The following SLC4A8 variants were observed in gnomAD, a reference collection of about 807,000 sequenced individuals.
The protein encoded by SLC4A8 is solute carrier family 4 member 8, also known as electroneutral sodium bicarbonate exchanger 1.
SLC4A8 carries 40 observed loss-of-function variants against 125.0 expected under a neutral mutation model. That is an observed-to-expected ratio of 0.32 (90% CI 0.25 to 0.42). The LOEUF (loss-of-function observed/expected upper bound fraction) is 0.42. SLC4A8 is among the 10% of genes least tolerant of loss of function. SLC4A8 has a pLI of 1.00. For synonymous variants in SLC4A8, 456 were observed against 476.0 expected (o/e 0.96, Z 0.55); for missense variants, 863 against 1,355.1 (o/e 0.64, Z 5.70).
intron 1 of SLC4A8, among the ~76,000 whole-genome samples, chr12:51,392,580 A>AAAAAAAG (rs1203185218): frequency 1.8e-4 from 27 of 150,856 alleles, no homozygotes; most frequent in African/African-American, 6.1e-4. Flanking sequence ...TCAAAAAAAA[A>AAAAAAAG]AAAAAAGAAA....
intron 22 of SLC4A8, among the ~76,000 whole-genome samples, chr12:51,499,085 A>T (rs1445172890): frequency 6.6e-6 from 1 of 151,040 alleles, no homozygotes; most frequent in African/African-American, 2.4e-5. Context: ...GGAGGCTGAG[A>T]CAGGAGAATC....
chr12:51,505,111 T>G (rs1193944088), intron 23 of SLC4A8, among the ~76,000 whole-genome samples: 3 of 152,212 alleles, frequency 2.0e-5, no homozygotes, highest in African/African-American at 4.8e-5. Flanking sequence ...TTCTACGTGT[T>G]GTTGTGGAAG....
intron 6 of SLC4A8, 115 bp from the exon 7 acceptor site, chr12:51,458,444 C>T: frequency 1.4e-6 from 1 of 715,026 alleles, no homozygotes; most frequent in Middle Eastern, 2.8e-4. Context: ...GTCATCTTAA[C>T]CTCTTTTCTA....
At chr12:51,426,099 G>GT (rs1948965793) in intron 1 of SLC4A8, among the ~76,000 whole-genome samples, 1 of 152,174 alleles carries the variant, frequency 6.6e-6, no homozygotes, top group African/African-American at 2.4e-5. Flanking sequence ...TTGGAAACAA[G>GT]TGCCATGTTG....
intron 17 of SLC4A8, among the ~76,000 whole-genome samples, chr12:51,486,677 G>C (rs577063196): frequency 5.1e-4 from 78 of 152,302 alleles, no homozygotes; most frequent in African/African-American, 1.8e-3. Flanking sequence ...AATTATGAAG[G>C]AGGAAAGTGG....
chr12:51,477,123 C>G (rs916825226), intron 16 of SLC4A8, among the ~76,000 whole-genome samples: 1 of 151,896 alleles, frequency 6.6e-6, no homozygotes, highest in Admixed American at 6.6e-5. Context: ...AGGCTGGTCT[C>G]GAACTCCCAA....
At chr12:51,480,259 G>A in intron 16 of SLC4A8, 1 of 1,268,764 alleles carries the variant, frequency 7.9e-7, no homozygotes, top group Non-Finnish European at 1.0e-6. Context: ...CAGATTGAGA[G>A]TTGGGAAAAA....
intron 1 of SLC4A8, among the ~76,000 whole-genome samples, chr12:51,430,692 G>A (rs1371766333): frequency 3.9e-5 from 6 of 152,130 alleles, no homozygotes; most frequent in Non-Finnish European, 5.9e-5. Flanking sequence ...GTAGATAATC[G>A]TCTTAGCTCA....
chr12:51,426,876 G>C (rs891070142), intron 1 of SLC4A8, among the ~76,000 whole-genome samples: 1 of 151,340 alleles, frequency 6.6e-6, no homozygotes, highest in Non-Finnish European at 1.5e-5. Context: ...TCCTAACCGG[G>C]AGAGAGAGAG....
At chr12:51,417,795 C>T (rs998316386) in intron 1 of SLC4A8, among the ~76,000 whole-genome samples, 1 of 152,186 alleles carries the variant, frequency 6.6e-6, no homozygotes, top group African/African-American at 2.4e-5. Context: ...GGATTACAGG[C>T]GTGAGCCACT....
intron 14 of SLC4A8, among the ~76,000 whole-genome samples, chr12:51,472,494 G>T (rs547354923): frequency 1.3e-5 from 2 of 152,272 alleles, no homozygotes; most frequent in East Asian, 3.9e-4. Flanking sequence ...CATCTTCAAA[G>T]CCTAGTGAAT....
intron 1 of SLC4A8, among the ~76,000 whole-genome samples, chr12:51,430,640 C>T (rs7300672): frequency 0.93 from 140,748 of 152,016 alleles, 65,218 homozygotes; most frequent in Non-Finnish European, 0.95. Context: ...GAGCAGAGAA[C>T]TGGGGACAAT....
rs1222521458 is a variant in SLC4A8 at position 51,481,762 on chromosome 12, G to C, written c.2173-4025G>C. 2.0e-5 allele frequency among the ~76,000 whole-genome samples: 3 copies of C among 151,916 alleles called. No homozygotes were observed. The East Asian group carries it at 5.8e-4, about 29-fold the overall frequency. On this transcript the variant is annotated intron_variant, in intron 16 of 24. Coordinates refer to ENST00000453097, the MANE Select transcript of SLC4A8 (RefSeq NM_001039960.3). ...ATTTGAGACCAGCCTGGGCAACATG[G>C]CAAAACCCTATCTCTACAAAGTATA...
intron 11 of SLC4A8, chr12:51,466,458 T>G (rs796689673): frequency 1.1e-4 from 16 of 152,276 alleles, no homozygotes; most frequent in African/African-American, 3.1e-4. Context: ...TCTAAAGCCC[T>G]CCAGGGAAGG....
intron 1 of SLC4A8, among the ~76,000 whole-genome samples, chr12:51,435,470 T>C (rs890960784): frequency 2.0e-5 from 3 of 152,148 alleles, no homozygotes; most frequent in South Asian, 2.1e-4. Context: ...AAAAGTGACC[T>C]TGTGAAGCCA....
Position 51,504,095 on chromosome 12 carries a change from A to G in SLC4A8, c.3148A>G (p.Ser1050Gly). 1 of 1,582,054 alleles carries G rather than the reference A, an allele frequency of 6.3e-7. No homozygotes were observed. The highest frequency in any genetic ancestry group is 2.3e-5 in the East Asian group (1 of 44,014). Residue 1050 changes from serine (S) to glycine (G), a missense_variant, in exon 23 of 25, where the codon AGT (serine) becomes GGT (glycine). Physicochemically the swap from Ser to Gly is moderately conservative, Grantham distance 56. Coordinates refer to ENST00000453097, the MANE Select transcript of SLC4A8 (RefSeq NM_001039960.3). ...FPLESRKLLS[S>G]PGKNISCRCD... is the part of the protein sequence containing the mutation. ...CTTAGAGAGCAGGAAGTTACTAAGT[A>G]GTCCTGGAAAGAACATCAGTTGCAG...
At chr12:51,431,672 G>A (rs1949188932) in intron 1 of SLC4A8, among the ~76,000 whole-genome samples, 2 of 152,058 alleles carry the variant, frequency 1.3e-5, no homozygotes, top group South Asian at 4.2e-4. Flanking sequence ...GGAGAGTTGG[G>A]GACCCGTGGG....
At chr12:51,420,199 G>A (rs1033375411), upstream of SLC4A8, 1 of 152,132 alleles carries the variant, frequency 6.6e-6, no homozygotes, top group African/African-American at 2.4e-5. Flanking sequence ...CACATCTTGG[G>A]TTTAGATGTG....
chr12:51,407,570 C>T (rs1948513358), intron 1 of SLC4A8, among the ~76,000 whole-genome samples: 1 of 152,082 alleles, frequency 6.6e-6, no homozygotes, highest in African/African-American at 2.4e-5. Context: ...TGCCCGGCTT[C>T]AACATAGATT....
Sources: allele counts gnomAD v4.1 joint callset (sites outside exome capture counted in the v4.1 genomes callset), GRCh38; gene constraint gnomAD v4.1.1; transcripts MANE v1.5; gene names NCBI Gene and HGNC (gene_info 2026-07-23, HGNC 2026-07-21).